Variants in FAM222B observed in about 807,000 individuals in gnomAD.
The protein encoded by FAM222B is family with sequence similarity 222 member B.
In FAM222B, 12 loss-of-function variants were observed where a neutral mutation model predicts 38.0. The ratio of observed to expected loss-of-function variants is 0.32; its 90% CI spans 0.20 to 0.51. The LOEUF is 0.51. FAM222B is among the 20% of genes least tolerant of loss of function. The probability of loss-of-function intolerance (pLI) is 0.97; values close to 1 mark genes in which losing one functional copy is unlikely to be tolerated. For missense variants in FAM222B, 716 were observed against 754.2 expected (o/e 0.95, Z 0.59); for synonymous variants, 329 against 317.2 (o/e 1.04, Z -0.40).
At chr17:28,793,603 G>A (rs1300114464) in intron 1 of FAM222B, among the ~76,000 whole-genome samples, 5 of 152,218 alleles carry the variant, frequency 3.3e-5, no homozygotes, top group African/African-American at 1.2e-4. Flanking sequence ...TTGTTAGTGA[G>A]GCCTGGGAAG....
rs1349773414 is a variant in FAM222B at position 28,850,298 on chromosome 17, GTTTC to G, written c.-41+4648_-41+4651del. Among the ~76,000 whole-genome samples the G allele has an allele frequency of 4.6e-5, 7 of 151,538 alleles. No individual in the cohort carries two copies. In the East Asian group the frequency reaches 1.4e-3, roughly 29 times the overall value. ...AGTCTCCTCACCCTTGGCCATATGAGTTTCTTTTTTTTTTTCTTTTTAAGACAGA... is the reference window on the plus strand; with the variant it reads ...AGTCTCCTCACCCTTGGCCATATGAGTTTTTTTTTTTCTTTTTAAGACAGA... On this transcript the variant is annotated intron_variant, in intron 1 of 2. Coordinates refer to the FAM222B transcript ENST00000577513.
At chr17:28,821,356 C>T (rs749795875) in intron 1 of FAM222B, among the ~76,000 whole-genome samples, 16 of 152,226 alleles carry the variant, frequency 1.1e-4, no homozygotes, top group Admixed American at 7.2e-4. Context: ...AAGCATGTTG[C>T]TTATTTTCAC....
At position 28,761,117 on chromosome 17, in the gene FAM222B, G is replaced by A. The variant is rs185433345; in HGVS notation, c.83-1241C>T. Among the ~76,000 whole-genome samples, 34 of 152,356 alleles carry A rather than the reference G, an allele frequency of 2.2e-4. No individual in the cohort carries two copies. In the East Asian group the frequency reaches 5.4e-3, roughly 24 times the overall value. On this transcript the variant is annotated intron_variant, in intron 2 of 2. Transcript: ENST00000581407. ...AAAAACCTGCCTGCCTTTGGAGACT[G>A]CGGAAATGCCCACTCGGTGTGCCTC...
intron 1 of FAM222B, among the ~76,000 whole-genome samples, chr17:28,816,010 C>T (rs1247172152): frequency 1.3e-5 from 2 of 148,942 alleles, no homozygotes; most frequent in Non-Finnish European, 3.0e-5. Flanking sequence ...GTAGCTGACG[C>T]CTGTAATCAA....
chr17:28,826,133 G>C (rs1000007106), intron 1 of FAM222B, among the ~76,000 whole-genome samples: 3 of 151,582 alleles, frequency 2.0e-5, no homozygotes, highest in Non-Finnish European at 4.4e-5. Flanking sequence ...GCAGTGGCAC[G>C]ATCTTGGCTC....
At chr17:28,826,988 T>C (rs2038464607) in intron 1 of FAM222B, among the ~76,000 whole-genome samples, 1 of 151,940 alleles carries the variant, frequency 6.6e-6, no homozygotes, top group Admixed American at 6.6e-5. Flanking sequence ...CAAAAAAATT[T>C]TTTTTTTCAT....
intron 1 of FAM222B, among the ~76,000 whole-genome samples, chr17:28,803,225 C>G (rs1339440157): frequency 6.6e-6 from 1 of 152,092 alleles, no homozygotes; most frequent in Non-Finnish European, 1.5e-5. Context: ...CCAGGCTGGT[C>G]TCGAATGCCT....
At chr17:28,835,859 A>AAG (rs1462852466) in intron 1 of FAM222B, among the ~76,000 whole-genome samples, 1 of 151,564 alleles carries the variant, frequency 6.6e-6, no homozygotes, top group East Asian at 1.9e-4. Context: ...TTTTTTTGTA[A>AAG]AGAGAGGGTT....
intron 2 of FAM222B, 95 bp downstream of exon 2, chr17:28,766,491 A>T: frequency 1.1e-6 from 1 of 937,084 alleles, no homozygotes; most frequent in East Asian, 2.7e-5. Context: ...GTCAAAATTC[A>T]AGGTCAGTGT....
chr17:28,846,030 C>T (rs530124627), upstream of FAM222B, among the ~76,000 whole-genome samples: 2 of 150,950 alleles, frequency 1.3e-5, no homozygotes, highest in African/African-American at 4.9e-5. Context: ...GGTGAAACCC[C>T]GTCTCTACTA....
intron 1 of FAM222B, among the ~76,000 whole-genome samples, chr17:28,853,132 G>A (rs1433050001): frequency 2.0e-5 from 3 of 151,038 alleles, no homozygotes; most frequent in Non-Finnish European, 4.4e-5. Context: ...AGTAGAGGTT[G>A]CAGTGAGCCA....
At chr17:28,795,537 C>A (rs1388029369) in intron 1 of FAM222B, among the ~76,000 whole-genome samples, 3 of 152,204 alleles carry the variant, frequency 2.0e-5, no homozygotes, top group African/African-American at 4.8e-5. Flanking sequence ...AGGTGATTCT[C>A]CCACCACAGC....
At chr17:28,837,966 T>C (rs1246866017) in intron 1 of FAM222B, among the ~76,000 whole-genome samples, 1 of 152,106 alleles carries the variant, frequency 6.6e-6, no homozygotes, top group Non-Finnish European at 1.5e-5. Context: ...AATTTTGTTT[T>C]TAAATAGAAT....
intron 1 of FAM222B, among the ~76,000 whole-genome samples, chr17:28,840,844 C>T (rs1341869635): frequency 6.6e-6 from 1 of 151,756 alleles, no homozygotes; most frequent in Non-Finnish European, 1.5e-5. Context: ...GCCTATAATC[C>T]CAGGTACTAG....
rs2034872137 is a variant in FAM222B, at chr17:28,758,819, A to G, written c.1140T>C (p.Ala380=). The G allele has an allele frequency of 6.3e-7, 1 of 1,588,518 alleles. No homozygotes were observed. The highest frequency in any genetic ancestry group is 1.3e-5 in the African/African-American group (1 of 74,384). Residue 380 remains alanine, a synonymous_variant, in exon 3 of 3, where the codon GCT becomes GCC. Transcript: ENST00000581407. ...LAHLQQMCSE[A]SGTPAPGLTG... ...TCAGGCCAGGGGCTGGCGTCCCACT[A>G]GCCTCGCTGCACATCTGCTGTAGGT... is the stretch of plus-strand genomic sequence containing the variant.
chr17:28,796,054 A>G (rs2036925631), intron 1 of FAM222B, among the ~76,000 whole-genome samples: 1 of 152,232 alleles, frequency 6.6e-6, no homozygotes, highest in Non-Finnish European at 1.5e-5. Context: ...TCTTGTCTAA[A>G]AGAGGCCTGG....
chr17:28,762,833 G>A (rs911205709), intron 2 of FAM222B, among the ~76,000 whole-genome samples: 10 of 151,040 alleles, frequency 6.6e-5, no homozygotes, highest in East Asian at 1.9e-4. Context: ...CCAGCTACTC[G>A]GGAGGCTGAG....
rs185577464 is a variant in FAM222B, at chr17:28,817,270, G to A, written c.-41+25412C>T. ...CTACTAAAAAATACAAAAATTAGCC[G>A]GGCGTGGTGGCACATGCCTGTAATC... On this transcript the variant is annotated intron_variant, in intron 1 of 2. Coordinates refer to ENST00000581407, the MANE Select transcript of FAM222B (RefSeq NM_001077498.3). Among the ~76,000 whole-genome samples, 7 of 151,646 alleles carry A rather than the reference G, an allele frequency of 4.6e-5. 1 individual carries two copies. The highest frequency in any genetic ancestry group is 4.1e-4 in the South Asian group (2 of 4,820).
intron 1 of FAM222B, among the ~76,000 whole-genome samples, chr17:28,808,459 T>G (rs190209131): frequency 6.6e-6 from 1 of 152,352 alleles, no homozygotes; most frequent in Admixed American, 6.5e-5. Context: ...GAGAACAGAC[T>G]GTAAACTACT....
Sources: allele counts gnomAD v4.1 joint callset (sites outside exome capture counted in the v4.1 genomes callset), GRCh38; gene constraint gnomAD v4.1.1; transcripts MANE v1.5; gene names NCBI Gene and HGNC (gene_info 2026-07-23, HGNC 2026-07-21).